ZFHX4: variants seen among roughly 807,000 people sequenced by gnomAD.
ZFHX4 encodes zinc finger homeobox protein 4.
ZFHX4 carries 56 observed loss-of-function variants against 267.6 expected under a neutral mutation model. That is an observed-to-expected ratio of 0.21 (90% confidence interval 0.17 to 0.26). The LOEUF is 0.26. Ranked by LOEUF, ZFHX4 falls within the 10% of genes least tolerant of loss-of-function variation. The pLI is 1.00. For synonymous variants in ZFHX4, 1,778 were observed against 1,665.6 expected, an observed-to-expected ratio of 1.07 and a Z score of -1.64; for missense variants, 4,332 against 4,420.0, an observed-to-expected ratio of 0.98 and a Z score of 0.56.
Position 76,853,755 on chromosome 8 carries a change from T to A in ZFHX4, c.6834T>A (p.Arg2278=), listed in dbSNP as rs779770720. 4 of 1,613,470 alleles carry A rather than the reference T, an allele frequency of 2.5e-6. No homozygotes were observed. The highest frequency in any genetic ancestry group is 1.6e-4 in the Middle Eastern group (1 of 6,084). ...RVIVVWFQNA[R]QKARKSYENQ... The stretch of plus-strand genomic sequence containing the variant: ...TTGTTGTATGGTTCCAGAATGCTCG[T>A]CAGAAAGCACGAAAGAGTTATGAGA... Residue 2278 remains arginine (R), a synonymous_variant, in exon 10 of 11, where the codon CGT becomes CGA. Coordinates refer to ENST00000651372, the MANE Select transcript of ZFHX4 (RefSeq NM_024721.5).
At chr8:76,819,556 C>T (rs1811591943) in intron 4 of ZFHX4, among the ~76,000 whole-genome samples, 1 of 152,096 alleles carries the variant, frequency 6.6e-6, no homozygotes, top group Non-Finnish European at 1.5e-5. Context: ...TGCCGCTCTT[C>T]TGGGAGAACA....
intron 3 of ZFHX4, among the ~76,000 whole-genome samples, chr8:76,716,134 T>G (rs1808564712): frequency 1.3e-5 from 2 of 152,178 alleles, no homozygotes; most frequent in Non-Finnish European, 2.9e-5. Flanking sequence ...AAATAATGAT[T>G]TGTAGTCTAT....
intron 10 of ZFHX4, among the ~76,000 whole-genome samples, chr8:76,858,859 A>G (rs1432929138): frequency 6.6e-6 from 1 of 152,238 alleles, no homozygotes; most frequent in East Asian, 1.9e-4. Context: ...ATCTTTGAGA[A>G]TATGACAAGT....
At position 76,691,678 on chromosome 8, in the gene ZFHX4, G is replaced by A. The variant is rs985668769; in HGVS notation, c.-47+10058G>A. Among the ~76,000 whole-genome samples the A allele has an allele frequency of 2.0e-5, 3 of 151,992 alleles. No individual in the cohort carries two copies. The South Asian group carries it at 6.2e-4, about 32-fold the overall frequency. ...TACCTGGATTACATTTCTGTTATGGGTGCCCTTGTCCAAGTTACTTAATCT... is the reference window on the plus strand; with the variant it reads ...TACCTGGATTACATTTCTGTTATGGATGCCCTTGTCCAAGTTACTTAATCT... On this transcript the variant is annotated intron_variant, in intron 1 of 10. Coordinates refer to ENST00000651372, the MANE Select transcript of ZFHX4 (RefSeq NM_024721.5).
intron 3 of ZFHX4, among the ~76,000 whole-genome samples, chr8:76,758,344 T>C (rs1809819006): frequency 6.6e-6 from 1 of 152,066 alleles, no homozygotes; most frequent in Non-Finnish European, 1.5e-5. Context: ...TAAAGAAACA[T>C]GCGTAAATGC....
At chr8:76,825,723 T>A (rs1209867174) in intron 4 of ZFHX4, among the ~76,000 whole-genome samples, 1 of 152,188 alleles carries the variant, frequency 6.6e-6, no homozygotes, top group East Asian at 1.9e-4. Flanking sequence ...AGTAACTCAT[T>A]GCGATGAAAA....
chr8:76,808,236 T>G (rs138516102), intron 4 of ZFHX4, among the ~76,000 whole-genome samples: 76 of 152,282 alleles, frequency 5.0e-4, no homozygotes, highest in African/African-American at 1.8e-3. Context: ...TTTACACAGT[T>G]TTAAAATGTG....
intron 10 of ZFHX4, among the ~76,000 whole-genome samples, chr8:76,856,631 G>A (rs2131965691): frequency 6.6e-6 from 1 of 152,120 alleles, no homozygotes; most frequent in East Asian, 1.9e-4. Context: ...GCACTCACAT[G>A]TGGCTTAGTA....
In ZFHX4 at chr8:76,863,999, G is replaced by T; in HGVS notation, c.10285G>T (p.Gly3429Cys). 1 of 1,613,618 alleles carries T rather than the reference G, an allele frequency of 6.2e-7. No individual in the cohort carries two copies. Among genetic ancestry groups the T allele is most frequent in the South Asian group, 1.1e-5 (1 of 91,030 alleles). Residue 3429 changes from glycine to cysteine, a missense_variant, in exon 11 of 11, where the codon GGT (glycine) becomes TGT (cysteine). Physicochemically the swap from Gly to Cys is radical, Grantham distance 159. Around this residue, in one of 7 missense-constraint regions of ZFHX4, gnomAD observed 1,648 missense variants for 1,625.0 expected, o/e 1.01. Transcript: ENST00000651372. The stretch of plus-strand genomic sequence containing the variant: ...TCATCAAAAGTCCTTCTGTTATTTC[G>T]GTCAGCCTTTGATTGACCCACAAGA... Reference protein sequence around the residue: ...VNHQKSFCYFGQPLIDPQETV... With the variant: ...VNHQKSFCYFCQPLIDPQETV...
intron 3 of ZFHX4, among the ~76,000 whole-genome samples, chr8:76,712,624 A>G (rs1808456169): frequency 6.6e-6 from 1 of 152,192 alleles, no homozygotes; most frequent in African/African-American, 2.4e-5. Context: ...AAAAATTGGA[A>G]TATGTGTGTG....
chr8:76,746,239 C>T (rs1321290423), intron 3 of ZFHX4, among the ~76,000 whole-genome samples: 1 of 152,108 alleles, frequency 6.6e-6, no homozygotes, highest in African/African-American at 2.4e-5. Context: ...GACTCCATCT[C>T]TAACATAAAT....
Position 76,863,163 on chromosome 8 carries a change from TCA to T in ZFHX4, c.9450_9451del (p.Ser3151GlnfsTer39). On this transcript the variant is annotated frameshift_variant, in exon 11 of 11. Transcript: ENST00000651372. LOFTEE classifies it high-confidence loss of function. ...GCTACTTCGTCTCCTGCCCTGTCTC[TCA>T]GCAGTGCCCCCACCAAACCTTTGCT... is the stretch of plus-strand genomic sequence containing the variant. 6.4e-7 allele frequency: 1 copy of T among 1,553,080 alleles called. No individual in the cohort carries two copies. Among genetic ancestry groups the T allele is most frequent in the Non-Finnish European group, 8.7e-7 (1 of 1,147,928 alleles).
At chr8:76,790,064 T>C (rs540552117) in intron 4 of ZFHX4, among the ~76,000 whole-genome samples, 1 of 152,280 alleles carries the variant, frequency 6.6e-6, no homozygotes, top group South Asian at 2.1e-4. Flanking sequence ...TGCTTATCTA[T>C]ATTTGCATAT....
chr8:76,741,222 C>T (rs1052432923), intron 3 of ZFHX4, among the ~76,000 whole-genome samples: 2 of 151,992 alleles, frequency 1.3e-5, no homozygotes, highest in African/African-American at 4.8e-5. Flanking sequence ...CAGTGAATTC[C>T]AAAAGTGGAA....
At chr8:76,788,341 G>A (rs1373855025) in intron 4 of ZFHX4, among the ~76,000 whole-genome samples, 1 of 152,034 alleles carries the variant, frequency 6.6e-6, no homozygotes, top group East Asian at 1.9e-4. Context: ...TCAGAACTTT[G>A]GCCTGTACTG....
At chr8:76,733,781 G>A (rs1809083957) in intron 3 of ZFHX4, among the ~76,000 whole-genome samples, 1 of 152,044 alleles carries the variant, frequency 6.6e-6, no homozygotes, top group South Asian at 2.1e-4. Context: ...CCTCAGCAGG[G>A]AAAGCCCAGC....
intron 4 of ZFHX4, among the ~76,000 whole-genome samples, chr8:76,824,632 G>A (rs1395231429): frequency 6.6e-6 from 1 of 152,148 alleles, no homozygotes; most frequent in African/African-American, 2.4e-5. Flanking sequence ...GAGTGCAGTA[G>A]CATGAGTATA....
At chr8:76,693,112 T>G (rs566603085) in intron 1 of ZFHX4, among the ~76,000 whole-genome samples, 2 of 152,312 alleles carry the variant, frequency 1.3e-5, no homozygotes, top group Admixed American at 1.3e-4. Context: ...CCACTTCTGT[T>G]TAAACACTAT....
intron 1 of ZFHX4, 26 bp from the exon 2 acceptor site, chr8:76,704,017 C>T: frequency 1.4e-6 from 2 of 1,423,504 alleles, no homozygotes; most frequent in Non-Finnish European, 1.9e-6. Flanking sequence ...ATAAAAATGG[C>T]TTCTCTCACC....
Sources: allele counts gnomAD v4.1 joint callset (sites outside exome capture counted in the v4.1 genomes callset), GRCh38; gene constraint gnomAD v4.1.1; regional missense constraint gnomAD v4.1.1; transcripts MANE v1.5; gene names NCBI Gene and HGNC (gene_info 2026-07-23, HGNC 2026-07-21).